The following SVEP1 variants were observed in gnomAD, a reference collection of about 807,000 sequenced individuals.
SVEP1 encodes the protein sushi, von Willebrand factor type A, EGF and pentraxin domain-containing protein 1.
A neutral mutation model predicts 367.3 loss-of-function variants in SVEP1; 164 were observed. The ratio of observed to expected loss-of-function variants is 0.45; its 90% confidence interval spans 0.39 to 0.51. The LOEUF is 0.51. Ranked by LOEUF, SVEP1 falls within the 20% of genes least tolerant of loss-of-function variation. The pLI is 0.00. For synonymous variants in SVEP1, 1,666 were observed against 1,611.6 expected (o/e 1.03, Z -0.81); for missense variants, 4,117 against 4,425.3 (o/e 0.93, Z 1.98).
At chr9:110,498,970 T>A in intron 7 of SVEP1, 71 bp downstream of exon 7, 1 of 1,309,546 alleles carries the variant, frequency 7.6e-7, no homozygotes, top group East Asian at 2.5e-5. Flanking sequence ...CAAAGAAGGA[T>A]TGTCCTATAC....
intron 2 of SVEP1, among the ~76,000 whole-genome samples, chr9:110,547,666 G>A (rs1415265851): frequency 1.3e-5 from 2 of 152,158 alleles, no homozygotes; most frequent in African/African-American, 4.8e-5. Context: ...AGTGGAGGAG[G>A]TACAAATGGG....
At chr9:110,497,618 T>A (rs946764136) in intron 7 of SVEP1, among the ~76,000 whole-genome samples, 1 of 152,228 alleles carries the variant, frequency 6.6e-6, no homozygotes, top group Non-Finnish European at 1.5e-5. Flanking sequence ...CAACTAGAAT[T>A]AACTAGCAGA....
At chr9:110,552,213 G>A (rs1227833731) in intron 1 of SVEP1, among the ~76,000 whole-genome samples, 5 of 151,628 alleles carry the variant, frequency 3.3e-5, no homozygotes, top group Non-Finnish European at 7.4e-5. Context: ...TGTATTTGTA[G>A]TAGAAACAGG....
At position 110,489,664 on chromosome 9, in the gene SVEP1, T is replaced by C. The variant is rs1564157429; in HGVS notation, c.1916A>G (p.His639Arg). 2.5e-6 allele frequency: 4 copies of C among 1,612,912 alleles called. No individual in the cohort carries two copies. The highest frequency in any genetic ancestry group is 3.4e-6 in the Non-Finnish European group (4 of 1,179,356). The change falls in exon 9 of 48, where the codon CAT becomes CGT. Residue 639 changes from histidine to arginine, a missense_variant. Coordinates refer to ENST00000374469, the MANE Select transcript of SVEP1 (RefSeq NM_153366.4). ...ATATCACTTACCAATAACCTTGATA[T>C]GGAAAATGCAGCTGGCCTGGTTGCC... ...LSGNQASCIF[H>R]IKVIDAEPPV... is the part of the protein sequence containing the mutation.
intron 2 of SVEP1, among the ~76,000 whole-genome samples, chr9:110,547,407 A>G (rs150519774): frequency 2.0e-5 from 3 of 152,252 alleles, no homozygotes; most frequent in African/African-American, 7.2e-5. Context: ...TACAAAAACA[A>G]TAACAATTTT....
intron 40 of SVEP1, among the ~76,000 whole-genome samples, chr9:110,390,492 A>C (rs1474167288): frequency 6.6e-6 from 1 of 150,862 alleles, no homozygotes; most frequent in East Asian, 1.9e-4. Context: ...AAATGTATAC[A>C]ATTATGATTT....
In SVEP1 at chr9:110,399,247, A is replaced by G. The variant is rs549388859; in HGVS notation, c.9822+1607T>C. On this transcript the variant is annotated intron_variant, in intron 40 of 47. Transcript: ENST00000374469. ...ATTCTCAGCAAACTATCCCAAGGAT[A>G]AAAAACCAAACACTGCATGTTCTCA... Among the ~76,000 whole-genome samples, 9 of 152,008 alleles carry G rather than the reference A, an allele frequency of 5.9e-5. No homozygotes were observed. The South Asian group carries it at 1.9e-3, about 32-fold the overall frequency.
chr9:110,411,681 A>G lies in SVEP1; in HGVS notation c.6030T>C (p.Ser2010=). 6.2e-7 allele frequency: 1 copy of G among 1,602,000 alleles called. No individual in the cohort carries two copies. Among genetic ancestry groups the G allele is most frequent in the South Asian group, 1.1e-5 (1 of 88,814 alleles). The part of the protein sequence containing the change: ...TIECLADGKW[S]RSDQQCLAVS... ...CAGCCAGGCACTGCTGGTCACTTCT[A>G]CTCCACTTGCCGTCGGCCAGGCATT... is the stretch of plus-strand genomic sequence containing the variant. Residue 2010 remains serine, a synonymous_variant, in exon 37 of 48, where the codon AGT becomes AGC. Coordinates refer to ENST00000374469, the MANE Select transcript of SVEP1 (RefSeq NM_153366.4).
intron 2 of SVEP1, 136 bp downstream of exon 2, chr9:110,549,713 C>T: frequency 8.6e-7 from 1 of 1,160,734 alleles, no homozygotes; most frequent in Non-Finnish European, 1.2e-6. Flanking sequence ...TTCATGATGC[C>T]CAAAGGACAC....
intron 3 of SVEP1, among the ~76,000 whole-genome samples, chr9:110,545,717 C>T (rs1357800367): frequency 6.6e-6 from 1 of 152,134 alleles, no homozygotes; most frequent in Non-Finnish European, 1.5e-5. Flanking sequence ...AATCTTTCTC[C>T]TCCCAGTTCT....
At chr9:110,410,948 G>A (rs1002170376) in intron 37 of SVEP1, 115 bp downstream of exon 37, 8 of 864,368 alleles carry the variant, frequency 9.3e-6, no homozygotes, top group Non-Finnish European at 1.2e-5. Flanking sequence ...GTAAATTCCA[G>A]TTTCCATGCC....
At chr9:110,392,132 A>ATTTT (rs1554710905) in intron 40 of SVEP1, among the ~76,000 whole-genome samples, 3 of 98,136 alleles carry the variant, frequency 3.1e-5, no homozygotes, top group East Asian at 3.8e-4. Flanking sequence ...CCAATTCCTC[A>ATTTT]TTATATATAT....
intron 18 of SVEP1, among the ~76,000 whole-genome samples, chr9:110,459,375 T>TA (rs1346087373): frequency 6.6e-6 from 1 of 152,188 alleles, no homozygotes; most frequent in Admixed American, 6.5e-5. Context: ...CATGGTATCA[T>TA]AAGTGTTTCC....
Position 110,578,802 on chromosome 9 carries a change from C to G in SVEP1, c.531+211G>C, listed in dbSNP as rs1003636996. Among the ~76,000 whole-genome samples, 11 of 152,182 alleles carry G rather than the reference C, an allele frequency of 7.2e-5. 1 individual carries two copies. Among genetic ancestry groups the G allele is most frequent in the Admixed American group, 2.6e-4 (4 of 15,288 alleles). On this transcript the variant is annotated intron_variant, in intron 1 of 47. Coordinates refer to ENST00000374469, the MANE Select transcript of SVEP1 (RefSeq NM_153366.4). ...GCCGACTATCTAAGGAGCCTGACAT[C>G]CCTCTAAGCGTTTTAAAATCCATTA...
At position 110,533,679 on chromosome 9, in the gene SVEP1, C is replaced by T. The variant is rs564058463; in HGVS notation, c.964+12436G>A. The stretch of plus-strand genomic sequence containing the variant: ...ACTATAAGGCACACCATGTTTTCAA[C>T]GAGTTTGGAATGATGGGCAATTTGA... On this transcript the variant is annotated intron_variant, in intron 3 of 47. Coordinates refer to ENST00000374469, the MANE Select transcript of SVEP1 (RefSeq NM_153366.4). Among the ~76,000 whole-genome samples, 167 of 152,232 alleles carry T rather than the reference C, an allele frequency of 1.1e-3. 1 individual carries two copies. Among genetic ancestry groups the T allele is most frequent in the Non-Finnish European group, 1.0e-3 (69 of 68,010 alleles).
intron 9 of SVEP1, 86 bp downstream of exon 9, chr9:110,489,564 G>A: frequency 7.4e-7 from 1 of 1,344,214 alleles, no homozygotes; most frequent in Non-Finnish European, 1.0e-6. Flanking sequence ...CCTCCCACTG[G>A]GTCCTTCCCA....
In SVEP1 at chr9:110,406,897, C is replaced by T. The variant is rs1169739008; in HGVS notation, c.8703G>A (p.Val2901=). The change falls in exon 38 of 48, where the codon GTG becomes GTA. Residue 2901 remains valine, a synonymous_variant. Coordinates refer to ENST00000374469, the MANE Select transcript of SVEP1 (RefSeq NM_153366.4). ...TGAAGCCATAGTCCAGGCCTTCCGT[C>T]ACCCCATTGGCCAGTTGTGGCGGGG... The part of the protein sequence containing the change: ...CATPPQLANG[V]TEGLDYGFMK... The T allele has an allele frequency of 6.2e-7, 1 of 1,613,884 alleles. No homozygotes were observed. Among genetic ancestry groups the T allele is most frequent in the Non-Finnish European group, 8.5e-7 (1 of 1,179,900 alleles).
intron 28 of SVEP1, 147 bp downstream of exon 28, chr9:110,436,233 C>A: frequency 9.8e-7 from 1 of 1,019,982 alleles, no homozygotes; most frequent in Non-Finnish European, 1.3e-6. Context: ...CTAACTTCAT[C>A]TATAACCACA....
intron 3 of SVEP1, among the ~76,000 whole-genome samples, chr9:110,528,156 G>GTGTGTTTATATATATATATA: frequency 2.9e-5 from 1 of 33,940 alleles, no homozygotes; most frequent in African/African-American, 1.1e-4. Flanking sequence ...GTGTGTGTGT[G>GTGTGTTTATATATATATATA]TATATATATA....
Sources: gnomAD v4.1 joint callset for allele counts (sites outside exome capture counted in the v4.1 genomes callset) on GRCh38, gnomAD v4.1.1 for gene constraint, MANE v1.5 for transcripts, NCBI Gene and HGNC (gene_info 2026-07-23, HGNC 2026-07-21) for gene names.